The following EDRF1 variants were observed in gnomAD, a reference collection of about 807,000 sequenced individuals.
The protein encoded by EDRF1 is erythroid differentiation regulatory factor 1, also known as erythroid differentiation-related factor 1.
EDRF1 carries 69 observed loss-of-function variants against 148.7 expected under a neutral mutation model. That is an observed-to-expected ratio of 0.46 (90% CI 0.38 to 0.57). The LOEUF is 0.57. Among genes scored for constraint, EDRF1 ranks in the 20% least tolerant of loss-of-function variants. EDRF1 has a pLI of 0.00. For missense variants in EDRF1, 1,118 were observed against 1,478.7 expected, an observed-to-expected ratio of 0.76 and a Z score of 4.00; for synonymous variants, 515 against 532.8, an observed-to-expected ratio of 0.97 and a Z score of 0.46.
intron 24 of EDRF1, among the ~76,000 whole-genome samples, chr10:125,758,402 GT>G (rs1255601761): frequency 6.6e-6 from 1 of 152,054 alleles, no homozygotes; most frequent in Non-Finnish European, 1.5e-5. Flanking sequence ...TATATCTCTT[GT>G]TTGTTGAAAA....
chr10:125,752,038 G>A (rs1849671753), intron 22 of EDRF1: 1 of 152,272 alleles, frequency 6.6e-6, no homozygotes, highest in Non-Finnish European at 1.5e-5. Context: ...AGACATGGTT[G>A]ACTGCCACGT....
At position 125,725,837 on chromosome 10, in the gene EDRF1, A is replaced by C. The variant is rs1427155092; in HGVS notation, c.791A>C (p.Gln264Pro). The C allele has an allele frequency of 6.2e-7, 1 of 1,613,076 alleles. No homozygotes were observed. The highest frequency in any genetic ancestry group is 1.1e-5 in the South Asian group (1 of 91,066). Residue 264 changes from glutamine (Q) to proline (P), a missense_variant and splice_region_variant, in exon 6 of 25, where the codon CAG becomes CCG. By Grantham distance (76) the Gln-to-Pro change is moderately conservative. This residue lies in a region of EDRF1 where 954 missense variants were observed against 1,241.4 expected (regional missense o/e 0.77). Transcript: ENST00000356792. The stretch of plus-strand genomic sequence containing the variant: ...TCTGAAGATCCCAGTGCTTCCAGTC[A>C]GGTTAGTACTTAAATGCTAATTCTA... Reference protein sequence around the residue: ...SVSEDPSASSQGSEPLEPSYI... With the variant: ...SVSEDPSASSPGSEPLEPSYI...
intron 22 of EDRF1, among the ~76,000 whole-genome samples, chr10:125,751,421 T>G (rs74162856): frequency 0.024 from 3,698 of 151,660 alleles, 150 homozygotes; most frequent in African/African-American, 0.084. Flanking sequence ...TTTTTGTTTT[T>G]TTTTTCTAGT....
At chr10:125,742,366 G>A (rs928602676) in intron 17 of EDRF1, 7 of 1,208,962 alleles carry the variant, frequency 5.8e-6, no homozygotes, top group Non-Finnish European at 7.4e-6. Flanking sequence ...AATGTCTCAT[G>A]GGGTTGTTTT....
Position 125,729,103 on chromosome 10 carries a change from AGG to A in EDRF1, c.894_894+1del. On this transcript the variant is annotated splice_donor_variant and coding_sequence_variant, in exon 7 of 25. Coordinates refer to ENST00000356792, the MANE Select transcript of EDRF1 (RefSeq NM_001202438.2). LOFTEE classifies it high-confidence loss of function. ...TTATTCAATGACGGGGAGCACAGTCAGGTATGCTTTCCATGGTGTCCAAGGTG... is the reference window on the plus strand; with the variant it reads ...TTATTCAATGACGGGGAGCACAGTCATATGCTTTCCATGGTGTCCAAGGTG... 6.4e-7 allele frequency: 1 copy of A among 1,561,932 alleles called. No individual in the cohort carries two copies.
chr10:125,737,863 A>G (rs948819380), intron 13 of EDRF1, 55 bp from the exon 14 acceptor site: 125 of 1,516,508 alleles, frequency 8.2e-5, no homozygotes, highest in Middle Eastern at 5.1e-4. Context: ...CAAAAACAAT[A>G]TGTTGACCTT....
In EDRF1 at chr10:125,756,966, C is replaced by G. The variant is rs557046637; in HGVS notation, c.3545+3121C>G. ...TAGCTGGGACCACGGGTGTGCCCCA[C>G]GACACCCAACTAATTTTTTAATTTT... On this transcript the variant is annotated intron_variant, in intron 24 of 24. Coordinates refer to ENST00000356792, the MANE Select transcript of EDRF1 (RefSeq NM_001202438.2). 4 of 399,200 alleles carry G rather than the reference C, an allele frequency of 1.0e-5. No individual in the cohort carries two copies. In the Admixed American group the frequency reaches 1.2e-4, roughly 12 times the overall value. The allele number at this position is 399,200 out of a possible 1,614,324, so 24.7% of individuals were successfully genotyped here. A position where few individuals can be genotyped will look rare whatever the true frequency, so the allele number is the denominator to read the frequency against.
intron 22 of EDRF1, 62 bp from the exon 23 acceptor site, chr10:125,752,737 A>T: frequency 1.8e-6 from 2 of 1,106,456 alleles, no homozygotes; most frequent in Non-Finnish European, 2.8e-6. Flanking sequence ...TTAATACATT[A>T]ACATTAGATG....
chr10:125,740,852 C>A, intron 16 of EDRF1, 149 bp from the exon 17 acceptor site: 4 of 1,057,262 alleles, frequency 3.8e-6, no homozygotes, highest in Non-Finnish European at 4.3e-6. Flanking sequence ...CTACATGAAG[C>A]CGTAATATGT....
At chr10:125,742,403 A>G (rs989592360) in intron 17 of EDRF1, 2 of 1,127,000 alleles carry the variant, frequency 1.8e-6, no homozygotes, top group Non-Finnish European at 2.2e-6. Flanking sequence ...GTTATACTGA[A>G]TATTACTTGA....
At chr10:125,751,801 G>A (rs758474949) in intron 22 of EDRF1, 1 of 152,168 alleles carries the variant, frequency 6.6e-6, no homozygotes, top group Non-Finnish European at 1.5e-5. Flanking sequence ...AACAATGAAA[G>A]GATGTACATT....
At position 125,747,700 on chromosome 10, in the gene EDRF1, A is replaced by G. The variant is rs762434287; in HGVS notation, c.2973+6A>G. 2 of 1,614,160 alleles carry G rather than the reference A, an allele frequency of 1.2e-6. No individual in the cohort carries two copies. The highest frequency in any genetic ancestry group is 1.7e-6 in the Non-Finnish European group (2 of 1,180,006). On this transcript the variant is annotated splice_donor_region_variant and intron_variant, in intron 20 of 24. Coordinates refer to ENST00000356792, the MANE Select transcript of EDRF1 (RefSeq NM_001202438.2). ...CTAGAAAAGCTCAGGAGCAGGTGAT[A>G]ATATTTGCTGGAGTATAAAATAAGT...
intron 1 of EDRF1, among the ~76,000 whole-genome samples, chr10:125,720,436 G>C (rs1331797828): frequency 2.0e-5 from 3 of 152,110 alleles, no homozygotes; most frequent in East Asian, 3.9e-4. Flanking sequence ...CCGATGCATC[G>C]ATTACTAAAT....
chr10:125,750,421 C>G (rs1564750289), intron 22 of EDRF1: 1 of 152,216 alleles, frequency 6.6e-6, no homozygotes, highest in African/African-American at 2.4e-5. Flanking sequence ...TAAGTTCTCC[C>G]CCTCTCTCTC....
At chr10:125,746,075 G>A (rs1849339786) in intron 19 of EDRF1, 145 bp downstream of exon 19, 2 of 735,836 alleles carry the variant, frequency 2.7e-6, no homozygotes, top group Non-Finnish European at 4.7e-6. Flanking sequence ...GAAAACACTT[G>A]CAACCTGGCC....
chr10:125,729,319 TTGAC>T (rs750759101), intron 7 of EDRF1, 35 bp from the exon 8 acceptor site: 3 of 1,608,182 alleles, frequency 1.9e-6, no homozygotes, highest in Non-Finnish European at 2.6e-6. Flanking sequence ...AAATTACAGA[TTGAC>T]TGTTTATTAT....
chr10:125,725,996 A>G (rs965882531), intron 6 of EDRF1, 158 bp downstream of exon 6: 4 of 869,310 alleles, frequency 4.6e-6, no homozygotes, highest in Non-Finnish European at 7.0e-6. Flanking sequence ...GGAATTGGAG[A>G]AATACTTTTT....
chr10:125,727,445 T>C (rs921530291), intron 6 of EDRF1, among the ~76,000 whole-genome samples: 6 of 152,254 alleles, frequency 3.9e-5, no homozygotes, highest in African/African-American at 1.2e-4. Context: ...AATAGGTGAC[T>C]GTGGGATGGT....
At chr10:125,740,170 A>G (rs1174021261) in intron 15 of EDRF1, among the ~76,000 whole-genome samples, 1 of 152,210 alleles carries the variant, frequency 6.6e-6, no homozygotes, top group Non-Finnish European at 1.5e-5. Context: ...AGGTTGACAC[A>G]TAGACTGGAA....
Sources: gnomAD v4.1 joint callset for allele counts (sites outside exome capture counted in the v4.1 genomes callset) on GRCh38, gnomAD v4.1.1 for gene constraint, gnomAD v4.1.1 regional missense constraint, MANE v1.5 for transcripts, NCBI Gene and HGNC (gene_info 2026-07-23, HGNC 2026-07-21) for gene names.